Variants in SHROOM4 observed in about 807,000 individuals in gnomAD.
The protein encoded by SHROOM4 is protein Shroom4.
A neutral mutation model predicts 80.3 loss-of-function variants in SHROOM4; 17 were observed. The observed-to-expected ratio is 0.21, with a 90% CI of 0.14 to 0.32. SHROOM4 has a LOEUF of 0.32. Among genes scored for constraint, SHROOM4 ranks in the 10% least tolerant of loss-of-function variants. SHROOM4 has a pLI of 1.00. For missense variants in SHROOM4, 993 were observed against 1,140.3 expected (o/e 0.87, Z 1.86); for synonymous variants, 400 against 437.5 (o/e 0.91, Z 1.07).
chrX:50,780,503 A>T (rs1244317653), intron 1 of SHROOM4, among the ~76,000 whole-genome samples: 1 of 111,976 alleles, frequency 8.9e-6, no homozygotes, highest in Non-Finnish European at 1.9e-5. Flanking sequence ...TCCACCTGCC[A>T]AGTCTCATGC....
chrX:50,596,464 T>G lies in SHROOM4; in HGVS notation c.*231A>C. On this transcript the variant is annotated 3_prime_UTR_variant, in exon 9 of 9. Transcript: ENST00000376020. Reference sequence around the variant, plus strand: ...GGCAACTGTGGGAAGGAGAGTGTGGTTCTAAGATCACACCTTGCTGCAGCT... The same window carrying G: ...GGCAACTGTGGGAAGGAGAGTGTGGGTCTAAGATCACACCTTGCTGCAGCT... 1 of 514,520 alleles carries G rather than the reference T, an allele frequency of 1.9e-6. No individual in the cohort carries two copies. Among genetic ancestry groups the G allele is most frequent in the Non-Finnish European group, 3.4e-6 (1 of 290,256 alleles). The allele number at this position is 514,520 out of a possible 1,213,427, so 42.4% of individuals were successfully genotyped here.
intron 1 of SHROOM4, among the ~76,000 whole-genome samples, chrX:50,809,829 G>C (rs1557273285): frequency 8.9e-6 from 1 of 111,974 alleles, no homozygotes; most frequent in Non-Finnish European, 1.9e-5. Flanking sequence ...CAGTACTTCT[G>C]AGTCAATGAG....
chrX:50,583,866 T>C (rs1308902320), downstream of SHROOM4, among the ~76,000 whole-genome samples: 1 of 112,053 alleles, frequency 8.9e-6, no homozygotes, highest in Non-Finnish European at 1.9e-5. Flanking sequence ...AACTGTTAAG[T>C]AGAGGACACA....
At chrX:50,796,423 A>G (rs1485260791) in intron 1 of SHROOM4, among the ~76,000 whole-genome samples, 1 of 111,601 alleles carries the variant, frequency 9.0e-6, no homozygotes, top group African/African-American at 3.3e-5. Flanking sequence ...AGAGAACAGT[A>G]CAGAGAGTGG....
At position 50,596,554 on chromosome X, in the gene SHROOM4, G is replaced by T; in HGVS notation, c.*141C>A. On this transcript the variant is annotated 3_prime_UTR_variant, in exon 9 of 9. Coordinates refer to ENST00000376020, the MANE Select transcript of SHROOM4 (RefSeq NM_020717.5). The stretch of plus-strand genomic sequence containing the variant: ...GCTGGTTAGGACCACTGCTAGGGAA[G>T]GGGTAGTGAGAGACATCCAGGGTAG... The T allele has an allele frequency of 1.2e-6, 1 of 826,940 alleles. No homozygotes were observed. Among genetic ancestry groups the T allele is most frequent in the Non-Finnish European group, 1.7e-6 (1 of 571,460 alleles). The allele number at this position is 826,940 out of a possible 1,213,427, so 68.1% of individuals were successfully genotyped here.
At chrX:50,737,246 C>T (rs868925722) in intron 1 of SHROOM4, among the ~76,000 whole-genome samples, 2 of 110,205 alleles carry the variant, frequency 1.8e-5, no homozygotes, top group African/African-American at 3.3e-5. Context: ...AAAATTAAAA[C>T]GGTACACTAG....
In SHROOM4 at chrX:50,610,210, A is replaced by G. The variant is rs781925903; in HGVS notation, c.2958-2026T>C. 1.4e-4 allele frequency among the ~76,000 whole-genome samples: 16 copies of G among 111,033 alleles called. No homozygotes were observed. The Admixed American group carries it at 1.5e-3, about 11-fold the overall frequency. Reference sequence around the variant, plus strand: ...CCTCCCCCATTCTGGTCAGCTCACCACTCATGTGGATCAGAAATTCATATC... The same window carrying G: ...CCTCCCCCATTCTGGTCAGCTCACCGCTCATGTGGATCAGAAATTCATATC... On this transcript the variant is annotated intron_variant, in intron 5 of 8. Transcript: ENST00000376020.
chrX:50,609,914 A>C (rs1557249490), intron 5 of SHROOM4, among the ~76,000 whole-genome samples: 2 of 110,806 alleles, frequency 1.8e-5, no homozygotes. Context: ...ACTAAAGTTA[A>C]AAGACATCTC....
At chrX:50,730,597 A>C (rs1225367059) in intron 1 of SHROOM4, among the ~76,000 whole-genome samples, 1 of 109,992 alleles carries the variant, frequency 9.1e-6, no homozygotes, top group African/African-American at 3.3e-5. Flanking sequence ...CCAACATGGC[A>C]AAACTCCATC....
Position 50,635,371 on chromosome X carries a change from A to G in SHROOM4, c.702T>C (p.Ala234=). The G allele has an allele frequency of 8.3e-7, 1 of 1,205,139 alleles. No homozygotes were observed. The highest frequency in any genetic ancestry group is 1.8e-5 in the South Asian group (1 of 55,685). Residue 234 remains alanine, a synonymous_variant, in exon 4 of 9, where the codon GCT becomes GCC. Transcript: ENST00000376020. The part of the protein sequence containing the change: ...TKAPSGRPNV[A]ETSGGSRRTN... ...TGCGCCGACTACCTCCTGAGGTCTC[A>G]GCCACATTAGGCCGGCCACTGGGGG...
chrX:50,687,267 C>CTTTTTTTTTTTTTTTTTTTTTTT (rs1217867502), intron 2 of SHROOM4: 1 of 88,852 alleles, frequency 1.1e-5, no homozygotes, highest in African/African-American at 4.5e-5. Context: ...ATTTTGGTGT[C>CTTTTTTTTTTTTTTTTTTTTTTT]TTTTTTTTTT....
Position 50,633,332 on chromosome X carries a change from T to G in SHROOM4, c.2741A>C (p.Lys914Thr), listed in dbSNP as rs1557254610. ...CSGEICPALL[K>T]RNMMPNCYNC... Reference sequence around the variant, plus strand: ...GTAGCAATTTGGCATCATATTTCTCTTTAGCAAGGCAGGGCAGATTTCCCC... The same window carrying G: ...GTAGCAATTTGGCATCATATTTCTCGTTAGCAAGGCAGGGCAGATTTCCCC... The change falls in exon 4 of 9, where the codon AAG becomes ACG. Residue 914 changes from lysine (K) to threonine (T), a missense_variant. By Grantham distance (78) the Lys-to-Thr change is moderately conservative. Coordinates refer to ENST00000376020, the MANE Select transcript of SHROOM4 (RefSeq NM_020717.5). The G allele has an allele frequency of 8.3e-7, 1 of 1,211,495 alleles. No homozygotes were observed. The highest frequency in any genetic ancestry group is 1.8e-5 in the South Asian group (1 of 56,890).
At chrX:50,645,909 G>A (rs1373706162) in intron 2 of SHROOM4, among the ~76,000 whole-genome samples, 2 of 111,481 alleles carry the variant, frequency 1.8e-5, no homozygotes, top group African/African-American at 6.5e-5. Context: ...AAAGGCTCTT[G>A]TGAGAGGTGA....
At chrX:50,611,643 G>T (rs1386726972) in intron 5 of SHROOM4, among the ~76,000 whole-genome samples, 1 of 110,981 alleles carries the variant, frequency 9.0e-6, no homozygotes, top group Non-Finnish European at 1.9e-5. Context: ...TTGTAGGCTG[G>T]GCGTGGCAGC....
chrX:50,755,137 G>C (rs1337019947), intron 1 of SHROOM4, among the ~76,000 whole-genome samples: 2 of 112,341 alleles, frequency 1.8e-5, no homozygotes, highest in East Asian at 5.6e-4. Context: ...AGCTATTCTT[G>C]TATGGATTAG....
At position 50,596,371 on chromosome X, in the gene SHROOM4, T is replaced by G; in HGVS notation, c.*324A>C. On this transcript the variant is annotated 3_prime_UTR_variant, in exon 9 of 9. Coordinates refer to ENST00000376020, the MANE Select transcript of SHROOM4 (RefSeq NM_020717.5). ...GGTGGGTGATGAGTACTTGATGTCT[T>G]TGGTGTCCTAGTACAAAGCAGAATG... 2.4e-6 allele frequency: 1 copy of G among 417,851 alleles called. No individual in the cohort carries two copies. The highest frequency in any genetic ancestry group is 4.4e-6 in the Non-Finnish European group (1 of 226,011). 34.4% of individuals were successfully genotyped at this position (417,851 alleles called of 1,213,427 possible).
At chrX:50,776,281 A>G (rs1790916071) in intron 1 of SHROOM4, among the ~76,000 whole-genome samples, 1 of 111,874 alleles carries the variant, frequency 8.9e-6, no homozygotes, top group South Asian at 3.7e-4. Flanking sequence ...TTATTTCTAA[A>G]TATAACATAT....
At chrX:50,586,557 T>C (rs1327233309), downstream of SHROOM4, among the ~76,000 whole-genome samples, 7 of 111,923 alleles carry the variant, frequency 6.3e-5, no homozygotes, top group Admixed American at 5.7e-4. Context: ...CTGTTAATGT[T>C]TACACTGCTC....
At chrX:50,767,206 T>C (rs1359852465) in intron 1 of SHROOM4, among the ~76,000 whole-genome samples, 2 of 112,017 alleles carry the variant, frequency 1.8e-5, no homozygotes, top group African/African-American at 6.5e-5. Flanking sequence ...AGAAATGCAA[T>C]TTGTGCAGAA....
Sources: gnomAD v4.1 joint callset for allele counts (sites outside exome capture counted in the v4.1 genomes callset) on GRCh38, gnomAD v4.1.1 for gene constraint, MANE v1.5 for transcripts, NCBI Gene and HGNC (gene_info 2026-07-23, HGNC 2026-07-21) for gene names.